RFC4: variants seen among roughly 807,000 people sequenced by gnomAD.
RFC4 encodes the protein A1 37 kDa subunit.
In RFC4, 38 loss-of-function variants were observed where a neutral mutation model predicts 47.6. The ratio of observed to expected loss-of-function variants is 0.80; its 90% CI spans 0.62 to 1.05. The LOEUF is 1.05. Ranked by LOEUF, RFC4 falls within the 50% of genes least tolerant of loss-of-function variation. The pLI is 0.00. For missense variants in RFC4, 489 were observed against 434.0 expected, an observed-to-expected ratio of 1.13 and a Z score of -1.13; for synonymous variants, 164 against 150.0, an observed-to-expected ratio of 1.09 and a Z score of -0.68.
chr3:186,790,668 T>C (rs1016886709), intron 8 of RFC4, among the ~76,000 whole-genome samples: 2 of 152,238 alleles, frequency 1.3e-5, no homozygotes, highest in African/African-American at 4.8e-5. Context: ...TAGCTTGTTC[T>C]GGTCAGTGGA....
chr3:186,790,649 C>T (rs1166448920), intron 8 of RFC4, among the ~76,000 whole-genome samples: 1 of 152,198 alleles, frequency 6.6e-6, no homozygotes, highest in Non-Finnish European at 1.5e-5. Context: ...TTTGGGCACA[C>T]ATGGATTATA....
At chr3:186,791,937 ACC>A (rs1722150201) in intron 7 of RFC4, 87 bp from the exon 8 acceptor site, 1 of 1,222,890 alleles carries the variant, frequency 8.2e-7, no homozygotes, top group Admixed American at 2.3e-5. Context: ...AAAGTGAAAA[ACC>A]CTGTTTTAGT....
rs751926498 is a variant in RFC4 at position 186,790,106 on chromosome 3, A to AAATGTTCCATTGACATGTGC, written c.996+16_996+35dup. On this transcript the variant is annotated intron_variant, in intron 10 of 10. Coordinates refer to ENST00000296273, the MANE Select transcript of RFC4 (RefSeq NM_002916.5). ...AGAAATTAGCATCCTTCAGGTAGTT[A>AAATGTTCCATTGACATGTGC]AATGTTCCATTGACATGTGCAAAGT... 1.9e-6 allele frequency: 3 copies of AAATGTTCCATTGACATGTGC among 1,603,482 alleles called. No individual in the cohort carries two copies. The South Asian group carries it at 3.3e-5, about 18-fold the overall frequency.
At chr3:186,803,540 G>C (rs1398560663) in intron 2 of RFC4, among the ~76,000 whole-genome samples, 1 of 151,826 alleles carries the variant, frequency 6.6e-6, no homozygotes, top group African/African-American at 2.4e-5. Context: ...GTCTCGTTCT[G>C]TCACCCAGGC....
intron 5 of RFC4, 84 bp downstream of exon 5, chr3:186,794,573 CT>C (rs1722205454): frequency 2.1e-5 from 28 of 1,361,550 alleles, no homozygotes; most frequent in Non-Finnish European, 2.8e-5. Context: ...TACACTTGAT[CT>C]TAGCCAAAAG....
At chr3:186,806,037 ATC>A (rs2108475029) in intron 1 of RFC4, among the ~76,000 whole-genome samples, 1 of 152,374 alleles carries the variant, frequency 6.6e-6, no homozygotes, top group South Asian at 2.1e-4. Flanking sequence ...AATTTTTAAT[ATC>A]TGTTAGCAGC....
At chr3:186,801,030 G>A (rs1722340290) in intron 3 of RFC4, 87 bp downstream of exon 3, 8 of 963,708 alleles carry the variant, frequency 8.3e-6, no homozygotes, top group Admixed American at 1.8e-5. Flanking sequence ...GATATTTAAC[G>A]AGGGCTAGAA....
chr3:186,801,386 G>C (rs1438233915), intron 2 of RFC4, 191 bp from the exon 3 acceptor site: 1 of 585,694 alleles, frequency 1.7e-6, no homozygotes, highest in South Asian at 2.1e-5. Flanking sequence ...CATTCTGAAA[G>C]AGTGAAATAA....
chr3:186,794,933 C>G, intron 4 of RFC4, 156 bp from the exon 5 acceptor site: 1 of 728,424 alleles, frequency 1.4e-6, no homozygotes, highest in Non-Finnish European at 2.2e-6. Flanking sequence ...CAGCAGAGTG[C>G]TGCAGTTAAC....
chr3:186,790,343 G>C lies in RFC4; in HGVS notation c.865C>G (p.Leu289Val), dbSNP rs34592108. Reference sequence around the variant, plus strand: ...GACTTTACCTTGACCACAGCTTCTAGTTTGTCAAAAGAGCCACTCTGACAG... The same window carrying C: ...GACTTTACCTTGACCACAGCTTCTACTTTGTCAAAAGAGCCACTCTGACAG... Reference protein sequence around the residue: ...AACQSGSFDKLEAVVKDLIDE... With the variant: ...AACQSGSFDKVEAVVKDLIDE... The change falls in exon 9 of 11, where the codon CTA (leucine) becomes GTA (valine). Residue 289 changes from leucine to valine, a missense_variant. Leu to Val is a conservative substitution (Grantham distance 32). Around this residue, in one of 2 missense-constraint regions of RFC4, gnomAD observed 283 missense variants for 176.2 expected, o/e 1.61. Coordinates refer to ENST00000296273, the MANE Select transcript of RFC4 (RefSeq NM_002916.5). The C allele has an allele frequency of 5.0e-6, 8 of 1,613,524 alleles. No homozygotes were observed. In the East Asian group the frequency reaches 1.8e-4, roughly 36 times the overall value.
chr3:186,799,030 A>G (rs1217231836), intron 3 of RFC4, among the ~76,000 whole-genome samples: 3 of 152,244 alleles, frequency 2.0e-5, no homozygotes, highest in African/African-American at 7.2e-5. Flanking sequence ...ACAAACTATG[A>G]GATTCATAAC....
In RFC4 at chr3:186,796,973, A is replaced by G. The variant is rs536121745; in HGVS notation, c.290+562T>C. Among the ~76,000 whole-genome samples the G allele has an allele frequency of 1.5e-3, 222 of 152,268 alleles. No homozygotes were observed. Among genetic ancestry groups the G allele is most frequent in the Middle Eastern group, 0.01 (3 of 294 alleles). On this transcript the variant is annotated intron_variant, in intron 4 of 10. Coordinates refer to ENST00000296273, the MANE Select transcript of RFC4 (RefSeq NM_002916.5). The surrounding 1 kb of genome is among the most constrained non-coding windows in gnomAD (Gnocchi z 4.2). ...TTAAGCCAAGATGGTCAATCTAGGA[A>G]GAGGAACATAAGAAGGTGACTCACA...
intron 2 of RFC4, 90 bp from the exon 3 acceptor site, chr3:186,801,285 T>A: frequency 1.1e-6 from 1 of 926,824 alleles, no homozygotes; most frequent in Non-Finnish European, 1.8e-6. Flanking sequence ...AAAATACCAA[T>A]GACCATTCTT....
At chr3:186,797,490 G>A (rs1722266360) in intron 4 of RFC4, 45 bp downstream of exon 4, 1 of 1,238,982 alleles carries the variant, frequency 8.1e-7, no homozygotes. Flanking sequence ...GAGAATTTTG[G>A]TGTCAAATCT....
chr3:186,798,767 C>T (rs1722294845), intron 3 of RFC4, among the ~76,000 whole-genome samples: 1 of 152,130 alleles, frequency 6.6e-6, no homozygotes, highest in South Asian at 2.1e-4. Flanking sequence ...TAAAGTAGGT[C>T]TCCTCTCCTA....
At chr3:186,802,030 A>AAG (rs1722368960) in intron 2 of RFC4, among the ~76,000 whole-genome samples, 1 of 151,006 alleles carries the variant, frequency 6.6e-6, no homozygotes. Flanking sequence ...TCTCAAAAAA[A>AAG]AAAAAAAAAA....
At chr3:186,795,438 T>G (rs988299454) in intron 4 of RFC4, among the ~76,000 whole-genome samples, 3 of 152,230 alleles carry the variant, frequency 2.0e-5, no homozygotes, top group African/African-American at 7.2e-5. Context: ...ATTCTTCTAT[T>G]GTTAGACATC....
At chr3:186,791,581 C>T in intron 8 of RFC4, 144 bp downstream of exon 8, 1 of 766,768 alleles carries the variant, frequency 1.3e-6, no homozygotes, top group Non-Finnish European at 2.3e-6. Context: ...ACCTCAAACA[C>T]TCTGATACTC....
chr3:186,803,918 A>G (rs1224254705), intron 2 of RFC4, among the ~76,000 whole-genome samples: 1 of 152,154 alleles, frequency 6.6e-6, no homozygotes, highest in African/African-American at 2.4e-5. Context: ...GCGGTGGCTC[A>G]TGCATGTAAT....
Sources: gnomAD v4.1 joint callset for allele counts (sites outside exome capture counted in the v4.1 genomes callset) on GRCh38, gnomAD v4.1.1 for gene constraint, gnomAD v4.1.1 regional missense constraint, Gnocchi (gnomAD v3.1) non-coding constraint, MANE v1.5 for transcripts, NCBI Gene and HGNC (gene_info 2026-07-23, HGNC 2026-07-21) for gene names.